Variants in MACROD2 observed in about 807,000 individuals in gnomAD.
The protein encoded by MACROD2 is ADP-ribose glycohydrolase MACROD2.
MACROD2 carries 36 observed loss-of-function variants against 70.4 expected under a neutral mutation model. The ratio of observed to expected loss-of-function variants is 0.51; its 90% CI spans 0.39 to 0.68. The LOEUF is 0.68. Among genes scored for constraint, MACROD2 ranks in the 30% least tolerant of loss-of-function variants. The pLI is 0.00. For missense variants in MACROD2, 496 were observed against 538.4 expected, an observed-to-expected ratio of 0.92 and a Z score of 0.78; for synonymous variants, 172 against 178.8, an observed-to-expected ratio of 0.96 and a Z score of 0.30.
chr20:14,198,071 C>A (rs533982537), intron 3 of MACROD2, among the ~76,000 whole-genome samples: 2,053 of 151,950 alleles, frequency 0.014, 19 homozygotes, highest in South Asian at 0.036. Context: ...GCCATAAGTC[C>A]AACATTCTGC....
intron 5 of MACROD2, among the ~76,000 whole-genome samples, chr20:14,875,283 T>G (rs952592774): frequency 6.6e-6 from 1 of 151,808 alleles, no homozygotes; most frequent in African/African-American, 2.4e-5. Flanking sequence ...TGGGAGGCTG[T>G]GGCAGGAGAA....
chr20:14,443,867 A>T (rs915877349), intron 3 of MACROD2, among the ~76,000 whole-genome samples: 1 of 152,130 alleles, frequency 6.6e-6, no homozygotes, highest in Non-Finnish European at 1.5e-5. Flanking sequence ...GATTACTGTC[A>T]GGGTTTAATA....
At chr20:15,092,558 ATTAAG>A (rs1432932186) in intron 5 of MACROD2, among the ~76,000 whole-genome samples, 4 of 151,564 alleles carry the variant, frequency 2.6e-5, no homozygotes, top group Admixed American at 6.6e-5. Flanking sequence ...AAAATATACT[ATTAAG>A]TTAAGATCTT....
At chr20:15,664,237 T>A (rs1453549777) in intron 8 of MACROD2, among the ~76,000 whole-genome samples, 1 of 152,052 alleles carries the variant, frequency 6.6e-6, no homozygotes, top group East Asian at 1.9e-4. Flanking sequence ...ATAGGGGGGA[T>A]GGAAAGCAAA....
rs78576277 is a variant in MACROD2 at position 14,526,609 on chromosome 20, C to T, written c.301+33101C>T. ...TTGCACTCTTAAGTTCAACTCTTCA[C>T]GGACGTCTATAATATTCCTTATCTC... On this transcript the variant is annotated intron_variant, in intron 4 of 17. Transcript: ENST00000684519. Among the ~76,000 whole-genome samples the T allele has an allele frequency of 7.7e-3, 1,178 of 152,312 alleles. 8 individuals carry two copies. The highest frequency in any genetic ancestry group is 0.012 in the Non-Finnish European group (818 of 68,028).
chr20:14,347,716 G>A (rs934194065), intron 3 of MACROD2, among the ~76,000 whole-genome samples: 4 of 152,144 alleles, frequency 2.6e-5, no homozygotes, highest in African/African-American at 9.7e-5. Flanking sequence ...GGCTAAGAAA[G>A]GGTCCCCTCT....
rs139057691 is a variant in MACROD2, at chr20:15,677,412, G to A, written c.645+177565G>A. On this transcript the variant is annotated intron_variant, in intron 8 of 17. Coordinates refer to ENST00000684519, the MANE Select transcript of MACROD2 (RefSeq NM_001351661.2). ...GGTGGAGGTTTGTGTTAGGGGAGTG[G>A]CCTATCAGCTTTGACATGTGTGGCC... 1.6e-4 allele frequency among the ~76,000 whole-genome samples: 24 copies of A among 152,156 alleles called. No individual in the cohort carries two copies. The East Asian group carries it at 4.7e-3, about 30-fold the overall frequency.
At chr20:14,045,964 C>A (rs2053467721) in intron 2 of MACROD2, among the ~76,000 whole-genome samples, 1 of 152,058 alleles carries the variant, frequency 6.6e-6, no homozygotes. Context: ...GAAGAAAGCC[C>A]AGATACGGAA....
chr20:14,200,731 C>T (rs1046722659), intron 3 of MACROD2, among the ~76,000 whole-genome samples: 23 of 152,120 alleles, frequency 1.5e-4, no homozygotes, highest in African/African-American at 5.6e-4. Context: ...TCATTGTCAT[C>T]TCTTGATTTT....
intron 7 of MACROD2, among the ~76,000 whole-genome samples, chr20:15,478,504 T>C (rs1301112778): frequency 6.6e-6 from 1 of 152,134 alleles, no homozygotes; most frequent in Non-Finnish European, 1.5e-5. Context: ...CCTGCCACCA[T>C]GTGTAAGTAC....
At chr20:15,526,948 C>T (rs2047729731) in intron 8 of MACROD2, among the ~76,000 whole-genome samples, 2 of 152,158 alleles carry the variant, frequency 1.3e-5, no homozygotes, top group Admixed American at 1.3e-4. Flanking sequence ...CAAAATTTTG[C>T]TAGCAAGTAT....
intron 6 of MACROD2, among the ~76,000 whole-genome samples, chr20:15,288,501 G>C (rs2077511635): frequency 6.6e-6 from 1 of 152,198 alleles, no homozygotes; most frequent in African/African-American, 2.4e-5. Flanking sequence ...TGAATCAGTA[G>C]ATTGAGTAAG....
chr20:14,555,471 C>A (rs569881728), intron 4 of MACROD2, among the ~76,000 whole-genome samples: 1 of 152,086 alleles, frequency 6.6e-6, no homozygotes, highest in Non-Finnish European at 1.5e-5. Flanking sequence ...GAGCCAGGTA[C>A]TGGCTCTGAG....
In MACROD2 at chr20:15,196,808, C is replaced by T. The variant is rs373037894; in HGVS notation, c.419-33132C>T. The T allele has an allele frequency of 8.5e-6, 8 of 944,282 alleles. No homozygotes were observed. In the East Asian group the frequency reaches 8.1e-4, roughly 96 times the overall value. The allele number at this position is 944,282 out of a possible 1,614,324, so 58.5% of individuals were successfully genotyped here. A position where few individuals can be genotyped will look rare whatever the true frequency, so the allele number is the denominator to read the frequency against. On this transcript the variant is annotated intron_variant, in intron 5 of 17. Coordinates refer to ENST00000684519, the MANE Select transcript of MACROD2 (RefSeq NM_001351661.2). ...CAGCCACCCCATAATATTTCTCTAC[C>T]CCTCCCTTCTGCCTTGAAGTGCCTG...
intron 3 of MACROD2, among the ~76,000 whole-genome samples, chr20:14,315,567 G>C (rs1245116980): frequency 6.6e-6 from 1 of 152,066 alleles, no homozygotes; most frequent in Admixed American, 6.6e-5. Flanking sequence ...TAACACATAA[G>C]CAAAATATTA....
chr20:14,306,397 G>A (rs908350771), intron 3 of MACROD2, among the ~76,000 whole-genome samples: 3 of 152,160 alleles, frequency 2.0e-5, no homozygotes, highest in South Asian at 4.1e-4. Context: ...AGAGACCCAC[G>A]TCTAGGTTGT....
At chr20:14,707,627 A>G (rs1330361939) in intron 5 of MACROD2, among the ~76,000 whole-genome samples, 2 of 152,114 alleles carry the variant, frequency 1.3e-5, no homozygotes, top group East Asian at 1.9e-4. Flanking sequence ...AGCCGCCTAC[A>G]TCCGGGAATC....
intron 3 of MACROD2, among the ~76,000 whole-genome samples, chr20:14,096,439 T>C (rs1404634368): frequency 6.9e-6 from 1 of 145,498 alleles, no homozygotes; most frequent in African/African-American, 2.6e-5. Flanking sequence ...CAATCTCCGC[T>C]CACCACAATA....
intron 6 of MACROD2, among the ~76,000 whole-genome samples, chr20:15,259,253 GC>G (rs1186959985): frequency 5.3e-5 from 8 of 152,090 alleles, no homozygotes; most frequent in Non-Finnish European, 1.0e-4. Context: ...GGGATTCCAG[GC>G]TTCCTCACTG....
Sources: gnomAD v4.1 joint callset for allele counts (sites outside exome capture counted in the v4.1 genomes callset) on GRCh38, gnomAD v4.1.1 for gene constraint, MANE v1.5 for transcripts, NCBI Gene and HGNC (gene_info 2026-07-23, HGNC 2026-07-21) for gene names.